The following OXSR1 variants were observed in gnomAD, a reference collection of about 807,000 sequenced individuals.
OXSR1 encodes the protein serine/threonine-protein kinase OSR1.
OXSR1 carries 24 observed loss-of-function variants against 79.8 expected under a neutral mutation model. The observed-to-expected ratio is 0.30, with a 90% confidence interval of 0.22 to 0.42. The LOEUF (loss-of-function observed/expected upper bound fraction) is 0.42, where lower values mean the gene tolerates loss of function less well. Ranked by LOEUF, OXSR1 falls within the 10% of genes least tolerant of loss-of-function variation. The pLI, the probability that OXSR1 is intolerant of heterozygous loss-of-function variation, is 1.00. For missense variants in OXSR1, 430 were observed against 618.4 expected (o/e 0.70, Z 3.23); for synonymous variants, 226 against 209.2 (o/e 1.08, Z -0.69).
intron 17 of OXSR1, 45 bp downstream of exon 17, chr3:38,252,437 A>C: frequency 8.0e-7 from 1 of 1,257,490 alleles, no homozygotes; most frequent in Non-Finnish European, 1.2e-6. Context: ...CCTTTTATAC[A>C]CTGGCAGCTT....
In OXSR1 at chr3:38,242,736, C is replaced by G. The variant is rs781466997; in HGVS notation, c.1075-7C>G. The G allele has an allele frequency of 6.5e-7, 1 of 1,535,262 alleles. No homozygotes were observed. Among genetic ancestry groups the G allele is most frequent in the South Asian group, 1.2e-5 (1 of 84,618 alleles). On this transcript the variant is annotated splice_polypyrimidine_tract_variant and splice_region_variant and intron_variant, in intron 11 of 17. Transcript: ENST00000311806. ...GTTAACAATCATCCTTTTTGTATTT[C>G]GTTTAGTCTCCCCGAGTGAAAGAAT...
chr3:38,253,053 C>T lies in OXSR1; in HGVS notation c.*162C>T, dbSNP rs1372517943. On this transcript the variant is annotated 3_prime_UTR_variant, in exon 18 of 18. Transcript: ENST00000311806. ...CTTCCTGCCATCATTCCTCCTTTTCCCACAGGGAAAGAAAAGTTGGATCAC... is the reference window on the plus strand; with the variant it reads ...CTTCCTGCCATCATTCCTCCTTTTCTCACAGGGAAAGAAAAGTTGGATCAC... 1.6e-6 allele frequency: 1 copy of T among 612,008 alleles called. No individual in the cohort carries two copies. The highest frequency in any genetic ancestry group is 2.8e-5 in the East Asian group (1 of 35,868). 37.9% of individuals were successfully genotyped at this position (612,008 alleles called of 1,614,324 possible).
chr3:38,246,216 G>A lies in OXSR1; in HGVS notation c.1252G>A (p.Ala418Thr), dbSNP rs1703139524. 6.2e-7 allele frequency: 1 copy of A among 1,613,476 alleles called. No homozygotes were observed. Among genetic ancestry groups the A allele is most frequent in the African/African-American group, 1.3e-5 (1 of 74,874 alleles). ...ACCCACCGCAGAGCCAGCAAAAACA[G>A]CTCAGGTAAAGCCGGGGATATGGTT... Reference protein sequence around the residue: ...LPPTAEPAKTAQALSSGSGSQ... With the variant: ...LPPTAEPAKTTQALSSGSGSQ... The change falls in exon 13 of 18, where the codon GCT (alanine) becomes ACT (threonine). Residue 418 changes from alanine (A) to threonine (T), a missense_variant. By Grantham distance (58) the Ala-to-Thr change is moderately conservative. Coordinates refer to ENST00000311806, the MANE Select transcript of OXSR1 (RefSeq NM_005109.3).
At chr3:38,188,025 G>A (rs986554372) in intron 2 of OXSR1, among the ~76,000 whole-genome samples, 4 of 152,080 alleles carry the variant, frequency 2.6e-5, no homozygotes, top group African/African-American at 9.7e-5. Flanking sequence ...TGGTAGTTAA[G>A]GTACAAGAAG....
At chr3:38,173,880 G>GT (rs1701630037) in intron 1 of OXSR1, among the ~76,000 whole-genome samples, 2 of 152,330 alleles carry the variant, frequency 1.3e-5, no homozygotes, top group East Asian at 3.9e-4. Context: ...AGGGAAAGGG[G>GT]TTAGGGACTG....
intron 10 of OXSR1, chr3:38,236,527 CCT>C (rs2125846824): frequency 5.6e-6 from 1 of 179,724 alleles, no homozygotes; most frequent in African/African-American, 2.3e-5. Flanking sequence ...GCACCCAAAA[CCT>C]CTTTTTTTTT....
intron 4 of OXSR1, among the ~76,000 whole-genome samples, chr3:38,204,997 T>C (rs1221370680): frequency 3.3e-5 from 5 of 152,212 alleles, no homozygotes; most frequent in East Asian, 1.9e-4. Context: ...TTCTGACTGC[T>C]GAGATGGGCA....
rs1427440846 is a variant in OXSR1, at chr3:38,224,692, A to T, written c.824A>T (p.Asp275Val). Reference protein sequence around the residue: ...RKMISLCLQKDPEKRPTAAEL... With the variant: ...RKMISLCLQKVPEKRPTAAEL... ...ATGATTTCATTGTGCCTTCAAAAAG[A>T]TCCAGAAAAAAGGTAAAATATGAGA... Residue 275 changes from aspartate (D) to valine (V), a missense_variant, in exon 8 of 18, where the codon GAT becomes GTT. Coordinates refer to ENST00000311806, the MANE Select transcript of OXSR1 (RefSeq NM_005109.3). The T allele has an allele frequency of 6.4e-7, 1 of 1,563,270 alleles. No homozygotes were observed. Among genetic ancestry groups the T allele is most frequent in the Non-Finnish European group, 8.7e-7 (1 of 1,153,628 alleles).
At chr3:38,178,843 T>G (rs1701727094) in intron 1 of OXSR1, among the ~76,000 whole-genome samples, 2 of 151,576 alleles carry the variant, frequency 1.3e-5, no homozygotes, top group African/African-American at 4.8e-5. Flanking sequence ...CTTGAAAGGA[T>G]TTTTAAATAA....
At chr3:38,231,782 C>A (rs867318002) in intron 10 of OXSR1, among the ~76,000 whole-genome samples, 40 of 152,120 alleles carry the variant, frequency 2.6e-4, no homozygotes, top group African/African-American at 8.2e-4. Flanking sequence ...ATCTGAGATA[C>A]GTGTTGATTT....
At position 38,223,825 on chromosome 3, in the gene OXSR1, A is replaced by G. The variant is rs746001398; in HGVS notation, c.614A>G (p.Asp205Gly). Residue 205 changes from aspartate (D) to glycine (G), a missense_variant, in exon 7 of 18, where the codon GAT becomes GGT. By Grantham distance (94) the Asp-to-Gly change is moderately conservative. Coordinates refer to ENST00000311806, the MANE Select transcript of OXSR1 (RefSeq NM_005109.3). ...TCTGTTTTGCAGGTCCGTGGTTATG[A>G]TTTCAAAGCTGATATTTGGAGTTTT... ...PEVMEQVRGY[D>G]FKADIWSFGI... 2 of 1,609,734 alleles carry G rather than the reference A, an allele frequency of 1.2e-6. No individual in the cohort carries two copies. The highest frequency in any genetic ancestry group is 2.2e-5 in the South Asian group (2 of 90,716).
chr3:38,199,075 G>A (rs576723857), intron 4 of OXSR1, among the ~76,000 whole-genome samples: 11 of 152,112 alleles, frequency 7.2e-5, no homozygotes, highest in Non-Finnish European at 1.5e-4. Context: ...TCATAATTTC[G>A]TACCAAGAGG....
chr3:38,201,380 A>G (rs1366242741), intron 4 of OXSR1, among the ~76,000 whole-genome samples: 1 of 151,940 alleles, frequency 6.6e-6, no homozygotes, highest in African/African-American at 2.4e-5. Flanking sequence ...TGGGCAACAT[A>G]GTGAGACCTT....
intron 1 of OXSR1, among the ~76,000 whole-genome samples, chr3:38,168,095 A>G (rs1306240522): frequency 6.6e-6 from 1 of 152,150 alleles, no homozygotes; most frequent in Non-Finnish European, 1.5e-5. Flanking sequence ...AGTCTTCTGG[A>G]TAGGGTTAGT....
intron 1 of OXSR1, among the ~76,000 whole-genome samples, chr3:38,181,828 A>ATT (rs369042373): frequency 4.4e-4 from 62 of 141,470 alleles, no homozygotes; most frequent in African/African-American, 1.2e-3. Flanking sequence ...ATGACATGTC[A>ATT]TTTTTTTTTT....
At chr3:38,166,047 G>T (rs1701445833) in intron 1 of OXSR1, 101 bp downstream of exon 1, 1 of 1,047,070 alleles carries the variant, frequency 9.6e-7, no homozygotes, top group Non-Finnish European at 1.4e-6. Context: ...GCCCTCATAG[G>T]AATTCGTGGG....
chr3:38,230,577 C>T (rs1702784578), intron 10 of OXSR1, 147 bp downstream of exon 10: 2 of 610,584 alleles, frequency 3.3e-6, no homozygotes, highest in Non-Finnish European at 5.9e-6. Flanking sequence ...TACATTCATT[C>T]AGCAAATATC....
At chr3:38,195,380 A>G (rs1331989913) in intron 3 of OXSR1, among the ~76,000 whole-genome samples, 1 of 152,220 alleles carries the variant, frequency 6.6e-6, no homozygotes, top group African/African-American at 2.4e-5. Context: ...GGATCCAGGT[A>G]AAATGTCTGA....
intron 11 of OXSR1, among the ~76,000 whole-genome samples, chr3:38,241,539 C>G (rs1703035072): frequency 6.6e-6 from 1 of 152,096 alleles, no homozygotes; most frequent in Admixed American, 6.5e-5. Context: ...GAAATGTACA[C>G]TCTGATTATT....
Sources: gnomAD v4.1 joint callset for allele counts (sites outside exome capture counted in the v4.1 genomes callset) on GRCh38, gnomAD v4.1.1 for gene constraint, MANE v1.5 for transcripts, NCBI Gene and HGNC (gene_info 2026-07-23, HGNC 2026-07-21) for gene names.